STAB2: variants seen among roughly 807,000 people sequenced by gnomAD.
STAB2 encodes stabilin-2.
STAB2 carries 288 observed loss-of-function variants against 338.1 expected under a neutral mutation model. The observed-to-expected ratio is 0.85, with a 90% CI of 0.77 to 0.94. The LOEUF (loss-of-function observed/expected upper bound fraction) is 0.94. Among genes scored for constraint, STAB2 ranks in the 40% least tolerant of loss-of-function variants. The probability of loss-of-function intolerance (pLI) is 0.00; values close to 1 mark genes in which losing one functional copy is unlikely to be tolerated. For synonymous variants in STAB2, 1,202 were observed against 1,193.3 expected (o/e 1.01, Z -0.15); for missense variants, 3,141 against 3,210.1 (o/e 0.98, Z 0.52).
chr12:103,685,214 T>C, intron 27 of STAB2, 130 bp downstream of exon 27: 1 of 854,692 alleles, frequency 1.2e-6, no homozygotes, highest in Non-Finnish European at 1.8e-6. Flanking sequence ...AAGCTGTTTC[T>C]CACAGATGAC....
intron 31 of STAB2, among the ~76,000 whole-genome samples, chr12:103,693,888 C>T (rs1242879773): frequency 6.6e-6 from 1 of 151,924 alleles, no homozygotes; most frequent in Non-Finnish European, 1.5e-5. Context: ...CACGGTGGCT[C>T]ACTCTTGTAA....
intron 30 of STAB2, among the ~76,000 whole-genome samples, chr12:103,692,103 A>T (rs1215882895): frequency 6.6e-6 from 1 of 152,216 alleles, no homozygotes; most frequent in Non-Finnish European, 1.5e-5. Flanking sequence ...TGAAGGCCAG[A>T]AGTCCAAGAT....
intron 55 of STAB2, 69 bp downstream of exon 55, chr12:103,740,825 T>C (rs1882526604): frequency 6.7e-7 from 1 of 1,489,374 alleles, no homozygotes; most frequent in East Asian, 2.5e-5. Flanking sequence ...GTCCAGTCTT[T>C]GAATGTACCA....
chr12:103,626,972 A>T (rs1184447819), intron 5 of STAB2, among the ~76,000 whole-genome samples: 3 of 152,186 alleles, frequency 2.0e-5, no homozygotes, highest in Non-Finnish European at 4.4e-5. Flanking sequence ...AATCAATCAC[A>T]CAACCATGTA....
chr12:103,660,120 G>A (rs376965247), intron 15 of STAB2, among the ~76,000 whole-genome samples: 42 of 152,316 alleles, frequency 2.8e-4, no homozygotes, highest in African/African-American at 8.7e-4. Context: ...TAAATGAGAC[G>A]TGCATATTAT....
intron 3 of STAB2, among the ~76,000 whole-genome samples, chr12:103,617,906 A>T (rs1032502088): frequency 2.0e-5 from 3 of 152,136 alleles, no homozygotes; most frequent in Non-Finnish European, 4.4e-5. Context: ...GGCAATTTAG[A>T]CTGTGTCGTT....
intron 5 of STAB2, among the ~76,000 whole-genome samples, chr12:103,624,490 T>C (rs936944655): frequency 7.2e-5 from 11 of 152,352 alleles, no homozygotes; most frequent in African/African-American, 1.7e-4. Context: ...TCTGTAAAGA[T>C]AGAAATAATA....
At chr12:103,760,292 G>T (rs578222355) in intron 65 of STAB2, among the ~76,000 whole-genome samples, 2 of 152,198 alleles carry the variant, frequency 1.3e-5, no homozygotes, top group South Asian at 4.2e-4. Flanking sequence ...ACAGTCTCTC[G>T]CTCTGTCACC....
intron 52 of STAB2, among the ~76,000 whole-genome samples, chr12:103,736,190 G>A (rs891451910): frequency 1.5e-4 from 23 of 152,192 alleles, no homozygotes; most frequent in Non-Finnish European, 1.3e-4. Context: ...TCTTTAGTAT[G>A]ATGGCTCAGT....
At chr12:103,701,774 C>A (rs1216246831) in intron 34 of STAB2, among the ~76,000 whole-genome samples, 1 of 152,068 alleles carries the variant, frequency 6.6e-6, no homozygotes, top group Non-Finnish European at 1.5e-5. Flanking sequence ...CCAGACTTAT[C>A]CCAACATCCA....
At chr12:103,701,518 C>T (rs1878869255) in intron 34 of STAB2, among the ~76,000 whole-genome samples, 1 of 152,204 alleles carries the variant, frequency 6.6e-6, no homozygotes, top group Non-Finnish European at 1.5e-5. Context: ...TGAGTAGACA[C>T]AGTCAAGTCA....
chr12:103,657,429 C>T (rs1490541472), intron 15 of STAB2, among the ~76,000 whole-genome samples: 1 of 152,154 alleles, frequency 6.6e-6, no homozygotes, highest in Non-Finnish European at 1.5e-5. Flanking sequence ...TTGCTTAGTT[C>T]TGTCAGCCAC....
At chr12:103,648,413 A>T (rs1023148391) in intron 9 of STAB2, among the ~76,000 whole-genome samples, 1 of 152,138 alleles carries the variant, frequency 6.6e-6, no homozygotes, top group East Asian at 1.9e-4. Flanking sequence ...AAGCACTCCA[A>T]GTGATTCTGA....
chr12:103,598,563 A>G (rs1463416832), intron 3 of STAB2, among the ~76,000 whole-genome samples: 4 of 152,206 alleles, frequency 2.6e-5, no homozygotes, highest in Non-Finnish European at 1.5e-5. Context: ...AAGAATGTCA[A>G]TTTTACCATA....
At chr12:103,753,397 G>A (rs762599145) in intron 61 of STAB2, 44 bp downstream of exon 61, 2 of 1,613,166 alleles carry the variant, frequency 1.2e-6, no homozygotes, top group Non-Finnish European at 1.7e-6. Flanking sequence ...GAGTCTGCAG[G>A]GGCGGAAGTG....
At chr12:103,765,386 G>C (rs1884864937) in intron 68 of STAB2, among the ~76,000 whole-genome samples, 1 of 152,154 alleles carries the variant, frequency 6.6e-6, no homozygotes, top group Non-Finnish European at 1.5e-5. Flanking sequence ...TAAGGTACCA[G>C]CTTACAAAGT....
intron 9 of STAB2, among the ~76,000 whole-genome samples, chr12:103,641,526 T>A (rs1367292672): frequency 6.6e-6 from 1 of 152,108 alleles, no homozygotes. Flanking sequence ...GCCATGCATA[T>A]AGGCACAGAG....
At chr12:103,653,232 G>A (rs1210440122) in intron 12 of STAB2, among the ~76,000 whole-genome samples, 6 of 151,948 alleles carry the variant, frequency 3.9e-5, no homozygotes, top group Non-Finnish European at 1.5e-5. Flanking sequence ...GGGAGCAGGT[G>A]ATTAGTCAAC....
intron 3 of STAB2, among the ~76,000 whole-genome samples, chr12:103,618,555 G>A (rs1957247038): frequency 6.6e-6 from 1 of 152,208 alleles, no homozygotes; most frequent in Non-Finnish European, 1.5e-5. Flanking sequence ...AGAATGAGCT[G>A]TGGCACAGGA....
Sources: gnomAD v4.1 joint callset for allele counts (sites outside exome capture counted in the v4.1 genomes callset) on GRCh38, gnomAD v4.1.1 for gene constraint, MANE v1.5 for transcripts, NCBI Gene and HGNC (gene_info 2026-07-23, HGNC 2026-07-21) for gene names.